Variants in UBAP2L observed in about 807,000 individuals in gnomAD.
The protein encoded by UBAP2L is ubiquitin associated protein 2 like.
In UBAP2L, 12 loss-of-function variants were observed where a neutral mutation model predicts 130.6. The ratio of observed to expected loss-of-function variants is 0.09; its 90% CI spans 0.06 to 0.15. The LOEUF (loss-of-function observed/expected upper bound fraction) is 0.15. Among genes scored for constraint, UBAP2L ranks in the 10% least tolerant of loss-of-function variants. The pLI is 1.00. For synonymous variants in UBAP2L, 503 were observed against 524.7 expected, an observed-to-expected ratio of 0.96 and a Z score of 0.57; for missense variants, 965 against 1,332.5, an observed-to-expected ratio of 0.72 and a Z score of 4.29.
chr1:154,236,099 A>G (rs910703198), intron 6 of UBAP2L, among the ~76,000 whole-genome samples: 8 of 152,196 alleles, frequency 5.3e-5, no homozygotes, highest in Non-Finnish European at 1.2e-4. Flanking sequence ...CTCAACAGTA[A>G]TGATTGTCCT....
upstream of UBAP2L, chr1:154,220,304 G>T: frequency 6.2e-7 from 1 of 1,611,410 alleles, no homozygotes; most frequent in Non-Finnish European, 8.5e-7. Flanking sequence ...TACTGGGTAA[G>T]ATGCGACAGC....
chr1:154,267,975 C>T (rs193280154), intron 25 of UBAP2L, among the ~76,000 whole-genome samples: 8 of 142,522 alleles, frequency 5.6e-5, no homozygotes, highest in Admixed American at 1.4e-4. Flanking sequence ...CCATAACCTC[C>T]GCCTCTCGGG....
At chr1:154,226,016 G>T (rs560331265) in intron 2 of UBAP2L, among the ~76,000 whole-genome samples, 5 of 152,310 alleles carry the variant, frequency 3.3e-5, no homozygotes, top group Admixed American at 1.3e-4. Flanking sequence ...GTTTCACCGT[G>T]TTGGTCAGGC....
At chr1:154,251,712 G>T (rs1350002967) in intron 14 of UBAP2L, 59 bp downstream of exon 14, 4 of 1,590,598 alleles carry the variant, frequency 2.5e-6, no homozygotes, top group Non-Finnish European at 3.4e-6. Context: ...TTTTTAATCT[G>T]TGGGAGATTT....
chr1:154,236,436 C>A (rs1403342646), intron 6 of UBAP2L, 130 bp from the exon 7 acceptor site: 1 of 916,988 alleles, frequency 1.1e-6, no homozygotes, highest in Non-Finnish European at 1.7e-6. Flanking sequence ...TGGATGCAAC[C>A]AATCCGCCCG....
In UBAP2L at chr1:154,266,516, C is replaced by A. The variant is rs1479297490; in HGVS notation, c.2918C>A (p.Ser973Tyr). ...HGYNTGVSVTSSNTGVPDISG... is the reference protein window; with the variant it reads ...HGYNTGVSVTYSNTGVPDISG... ...CCTCCCCCAGGTGTTTCAGTCACCT[C>A]CAGTAACACGGGCGTGCCAGATATC... The change falls in exon 25 of 27, where the codon TCC becomes TAC. Residue 973 changes from serine to tyrosine, a missense_variant. Physicochemically the swap from Ser to Tyr is moderately radical, Grantham distance 144 (BLOSUM62 -2). Transcript: ENST00000428931. 4 of 1,614,188 alleles carry A rather than the reference C, an allele frequency of 2.5e-6. 1 individual carries two copies. The highest frequency in any genetic ancestry group is 2.5e-6 in the Non-Finnish European group (3 of 1,180,042).
intron 26 of UBAP2L, chr1:154,269,432 A>G (rs932935142): frequency 3.1e-6 from 4 of 1,306,376 alleles, no homozygotes; most frequent in African/African-American, 3.0e-5. Flanking sequence ...TTGAATGATC[A>G]TATGCTTGAA....
chr1:154,243,139 T>A lies in UBAP2L; in HGVS notation c.757-78T>A, dbSNP rs1050562772. ...TAGGGCTTTCACTTTTTCTTGATGT[T>A]GAATTCCCCTTACCTATGCCAAGTT... On this transcript the variant is annotated intron_variant, in intron 9 of 26. Transcript: ENST00000428931. 1.3e-5 allele frequency: 16 copies of A among 1,219,296 alleles called. No homozygotes were observed. The African/African-American group carries it at 2.1e-4, about 16-fold the overall frequency. The allele number at this position is 1,219,296 out of a possible 1,614,324, so 75.5% of individuals were successfully genotyped here.
intron 11 of UBAP2L, among the ~76,000 whole-genome samples, chr1:154,248,291 A>G (rs1186757009): frequency 6.6e-6 from 1 of 152,140 alleles, no homozygotes; most frequent in Admixed American, 6.5e-5. Context: ...TAGAACTTGT[A>G]TGTACATGGA....
intron 6 of UBAP2L, among the ~76,000 whole-genome samples, chr1:154,235,756 C>A (rs183761278): frequency 4.1e-4 from 62 of 152,172 alleles, no homozygotes; most frequent in African/African-American, 1.2e-3. Context: ...GTGATGCGCC[C>A]GCCTCGCTAA....
intron 9 of UBAP2L, among the ~76,000 whole-genome samples, chr1:154,242,543 G>A (rs1224750128): frequency 1.3e-5 from 2 of 152,170 alleles, no homozygotes; most frequent in Non-Finnish European, 2.9e-5. Flanking sequence ...GGGGAGAGTG[G>A]ATTTTCTGTG....
chr1:154,270,867 C>G, downstream of UBAP2L: 1 of 1,470,990 alleles, frequency 6.8e-7, no homozygotes, highest in Non-Finnish European at 9.1e-7. Flanking sequence ...TCTGCCTATT[C>G]TTGCTCCGTC....
At position 154,258,656 on chromosome 1, in the gene UBAP2L, T is replaced by TTA. The variant is rs1680480441; in HGVS notation, c.2443-321_2443-320insTA. On this transcript the variant is annotated intron_variant, in intron 20 of 26. Transcript: ENST00000428931. ...TATTTTTAAGCCAGATTTTGAAGAG[T>TTA]ATAAGAGACAGAGACTTGTAGAATA... is the stretch of plus-strand genomic sequence containing the variant. 2.5e-5 allele frequency: 5 copies of TTA among 200,940 alleles called. No individual in the cohort carries two copies. The South Asian group carries it at 4.9e-4, about 20-fold the overall frequency. 12.4% of individuals were successfully genotyped at this position (200,940 alleles called of 1,614,324 possible).
intron 24 of UBAP2L, among the ~76,000 whole-genome samples, chr1:154,262,835 G>A (rs1389594914): frequency 9.9e-5 from 15 of 152,106 alleles, no homozygotes; most frequent in Admixed American, 9.8e-4. Context: ...TTGGTGGGGA[G>A]GATTATAAGC....
rs1684527423 is a variant in UBAP2L, at chr1:154,270,547, T to C, written c.*252T>C. Reference sequence around the variant, plus strand: ...CCTTCTCCCCTCTTGCATTCAAGATTATGAAACTTTGCTATGGGCCCTGCA... The same window carrying C: ...CCTTCTCCCCTCTTGCATTCAAGATCATGAAACTTTGCTATGGGCCCTGCA... On this transcript the variant is annotated 3_prime_UTR_variant, in exon 27 of 27. Coordinates refer to ENST00000428931, the MANE Select transcript of UBAP2L (RefSeq NM_014847.4). 2.1e-6 allele frequency: 3 copies of C among 1,432,666 alleles called. No individual in the cohort carries two copies. The highest frequency in any genetic ancestry group is 2.8e-5 in the Admixed American group (1 of 36,328). 88.7% of individuals were successfully genotyped at this position (1,432,666 alleles called of 1,614,324 possible). A position where few individuals can be genotyped will look rare whatever the true frequency, so the allele number is the denominator to read the frequency against.
At chr1:154,267,880 CT>C (rs869153080) in intron 25 of UBAP2L, among the ~76,000 whole-genome samples, 962 of 52,036 alleles carry the variant, frequency 0.018, 2 homozygotes, top group African/African-American at 0.063. Context: ...CTTATTTGGT[CT>C]TTTTTTTTTT....
intron 14 of UBAP2L, 84 bp downstream of exon 14, chr1:154,251,737 AG>A: frequency 6.6e-7 from 1 of 1,506,446 alleles, no homozygotes; most frequent in Non-Finnish European, 9.0e-7. Context: ...AACTCTGGAG[AG>A]GCCAAGCCCC....
chr1:154,257,276 G>T lies in UBAP2L; in HGVS notation c.2353+18G>T. 6.2e-7 allele frequency: 1 copy of T among 1,614,216 alleles called. No individual in the cohort carries two copies. The highest frequency in any genetic ancestry group is 8.5e-7 in the Non-Finnish European group (1 of 1,180,020). On this transcript the variant is annotated intron_variant, in intron 19 of 26. Coordinates refer to ENST00000428931, the MANE Select transcript of UBAP2L (RefSeq NM_014847.4). ...GACTTCAGGTAGCCTTGCATAAGCAGATGGCATTCCTCTGGGATGGAGGAG... is the reference window on the plus strand; with the variant it reads ...GACTTCAGGTAGCCTTGCATAAGCATATGGCATTCCTCTGGGATGGAGGAG...
chr1:154,252,759 A>C (rs1487128308), intron 14 of UBAP2L, among the ~76,000 whole-genome samples: 6 of 152,002 alleles, frequency 3.9e-5, no homozygotes, highest in Non-Finnish European at 8.8e-5. Flanking sequence ...GGGTTTCACC[A>C]TGTTGTTCAG....
Sources: gnomAD v4.1 joint callset for allele counts (sites outside exome capture counted in the v4.1 genomes callset) on GRCh38, gnomAD v4.1.1 for gene constraint, MANE v1.5 for transcripts, NCBI Gene and HGNC (gene_info 2026-07-23, HGNC 2026-07-21) for gene names.